B3GALT1: variants seen among roughly 807,000 people sequenced by gnomAD.
B3GALT1 encodes the protein beta-1,3-galactosyltransferase 1.
Under a neutral mutation model 23.2 loss-of-function variants are expected in B3GALT1, and 10 were observed. That is an observed-to-expected ratio of 0.43 (90% confidence interval 0.27 to 0.73). The LOEUF (loss-of-function observed/expected upper bound fraction) is 0.73, where lower values mean the gene tolerates loss of function less well. Ranked by LOEUF, B3GALT1 falls within the 30% of genes least tolerant of loss-of-function variation. The pLI is 0.21. For synonymous variants in B3GALT1, 156 were observed against 141.5 expected, an observed-to-expected ratio of 1.10 and a Z score of -0.73; for missense variants, 299 against 405.4, an observed-to-expected ratio of 0.74 and a Z score of 2.25.
Position 167,364,184 on chromosome 2 carries a change from AAAGG to A in B3GALT1, c.-511+70854_-511+70857del, listed in dbSNP as rs1203804169. The stretch of plus-strand genomic sequence containing the variant: ...ATCTCAAAAAAAAAAAAAAAAAAAA[AAAGG>A]AAGAAAAGAAAACTCCACTTTCAGC... On this transcript the variant is annotated intron_variant, in intron 1 of 4. Transcript: ENST00000392690. Among the ~76,000 whole-genome samples, 3 of 149,472 alleles carry A rather than the reference AAAGG, an allele frequency of 2.0e-5. No homozygotes were observed. In the East Asian group the frequency reaches 5.8e-4, roughly 29 times the overall value.
intron 2 of B3GALT1, among the ~76,000 whole-genome samples, chr2:167,558,721 A>C (rs534270062): frequency 6.6e-6 from 1 of 152,316 alleles, no homozygotes; most frequent in South Asian, 2.1e-4. Flanking sequence ...CAGCAGTCTG[A>C]GATCAAACTG....
intron 4 of B3GALT1, among the ~76,000 whole-genome samples, chr2:167,821,909 A>G (rs936729910): frequency 6.6e-6 from 1 of 152,198 alleles, no homozygotes; most frequent in African/African-American, 2.4e-5. Flanking sequence ...AAATCTCACT[A>G]AAGAAAAGGA....
At chr2:167,738,720 A>C (rs1687529519) in intron 3 of B3GALT1, among the ~76,000 whole-genome samples, 1 of 152,220 alleles carries the variant, frequency 6.6e-6, no homozygotes, top group South Asian at 2.1e-4. Context: ...ATGCCTCAAG[A>C]TTCTTAGCCT....
intron 3 of B3GALT1, among the ~76,000 whole-genome samples, chr2:167,720,702 A>G (rs1195398087): frequency 2.0e-5 from 3 of 152,230 alleles, no homozygotes; most frequent in Non-Finnish European, 2.9e-5. Flanking sequence ...GGTTTTGGAA[A>G]TGGTGCATTG....
At chr2:167,371,760 A>G (rs1394017320) in intron 1 of B3GALT1, among the ~76,000 whole-genome samples, 2 of 151,970 alleles carry the variant, frequency 1.3e-5, no homozygotes, top group Non-Finnish European at 2.9e-5. Context: ...TAATTGATCT[A>G]TATATGTTTT....
At chr2:167,447,030 A>C (rs1409496571) in intron 1 of B3GALT1, among the ~76,000 whole-genome samples, 1 of 152,072 alleles carries the variant, frequency 6.6e-6, no homozygotes, top group Non-Finnish European at 1.5e-5. Flanking sequence ...TGAGGTACAG[A>C]TGGGATTGTG....
At chr2:167,481,059 G>A (rs1328795085) in intron 1 of B3GALT1, among the ~76,000 whole-genome samples, 1 of 152,078 alleles carries the variant, frequency 6.6e-6, no homozygotes, top group Non-Finnish European at 1.5e-5. Flanking sequence ...TCCAGCAGCT[G>A]GTACTTGCAA....
At chr2:167,666,697 T>C (rs1686197154) in intron 3 of B3GALT1, among the ~76,000 whole-genome samples, 1 of 152,206 alleles carries the variant, frequency 6.6e-6, no homozygotes, top group African/African-American at 2.4e-5. Context: ...CCCTTTACCA[T>C]TATGTAATGG....
rs369674335 is a variant in B3GALT1 at position 167,567,822 on chromosome 2, A to G, written c.-410+77545A>G. ...GGTTTAGACACATGTACAATGACGT[A>G]TATTCACCATTATAGTATCATGCAG... On this transcript the variant is annotated intron_variant, in intron 2 of 4. Transcript: ENST00000392690. Among the ~76,000 whole-genome samples, 11 of 152,222 alleles carry G rather than the reference A, an allele frequency of 7.2e-5. No individual in the cohort carries two copies. In the South Asian group the frequency reaches 1.7e-3, roughly 23 times the overall value.
At position 167,330,508 on chromosome 2, in the gene B3GALT1, G is replaced by T. The variant is rs550840170; in HGVS notation, c.-511+37174G>T. On this transcript the variant is annotated intron_variant, in intron 1 of 4. Transcript: ENST00000392690. ...GCCTGTAGTGCCAGCAACTTGGGTG[G>T]CTGAGGTGGGAGGATCACCTGAGCC... 1.3e-4 allele frequency among the ~76,000 whole-genome samples: 20 copies of T among 152,262 alleles called. No individual in the cohort carries two copies. The South Asian group carries it at 1.9e-3, about 14-fold the overall frequency.
In B3GALT1 at chr2:167,409,548, T is replaced by G. The variant is rs2222503; in HGVS notation, c.-510-80629T>G. Among the ~76,000 whole-genome samples, 561 of 152,022 alleles carry G rather than the reference T, an allele frequency of 3.7e-3. 6 individuals are homozygous for G. The highest frequency in any genetic ancestry group is 0.013 in the African/African-American group (536 of 41,494). On this transcript the variant is annotated intron_variant, in intron 1 of 4. Transcript: ENST00000392690. ...TTCTTCTGCTTGATTGATTTGGCTG[T>G]TGATACTTGTGTATGCTTCACTAAT...
chr2:167,572,268 A>G (rs1684307494), intron 2 of B3GALT1, among the ~76,000 whole-genome samples: 1 of 151,834 alleles, frequency 6.6e-6, no homozygotes, highest in African/African-American at 2.4e-5. Flanking sequence ...CTTTCCACGG[A>G]AAATATGTAA....
chr2:167,641,553 T>C (rs1373793704), intron 2 of B3GALT1, among the ~76,000 whole-genome samples: 1 of 152,242 alleles, frequency 6.6e-6, no homozygotes, highest in East Asian at 1.9e-4. Context: ...AATACAGGTA[T>C]AACACATGTT....
chr2:167,497,296 G>A (rs979956048), intron 2 of B3GALT1, among the ~76,000 whole-genome samples: 1 of 152,052 alleles, frequency 6.6e-6, no homozygotes. Context: ...TCCATGAAGC[G>A]GGAGGTATCT....
intron 3 of B3GALT1, among the ~76,000 whole-genome samples, chr2:167,724,625 T>C (rs921453104): frequency 6.6e-6 from 1 of 152,230 alleles, no homozygotes; most frequent in African/African-American, 2.4e-5. Context: ...ACATCTTTTA[T>C]TGAATTTTAA....
chr2:167,567,776 C>T (rs543010636), intron 2 of B3GALT1, among the ~76,000 whole-genome samples: 6 of 152,176 alleles, frequency 3.9e-5, no homozygotes, highest in Admixed American at 6.5e-5. Flanking sequence ...AGGATTCACT[C>T]TTGGTGTTGT....
At chr2:167,444,983 C>G (rs969157753) in intron 1 of B3GALT1, among the ~76,000 whole-genome samples, 1 of 152,174 alleles carries the variant, frequency 6.6e-6, no homozygotes, top group South Asian at 2.1e-4. Flanking sequence ...ATCTTTCCTG[C>G]TTTCTCTTTT....
At chr2:167,620,922 C>A (rs1264945915) in intron 2 of B3GALT1, among the ~76,000 whole-genome samples, 2 of 151,802 alleles carry the variant, frequency 1.3e-5, no homozygotes, top group African/African-American at 4.8e-5. Flanking sequence ...AATTTTTTAA[C>A]CTTATCATCA....
intron 3 of B3GALT1, among the ~76,000 whole-genome samples, chr2:167,704,040 G>A (rs1223776586): frequency 5.3e-5 from 8 of 151,978 alleles, no homozygotes; most frequent in Non-Finnish European, 1.0e-4. Context: ...AATTAGCCGG[G>A]TGTGGTATCA....
Sources: gnomAD v4.1 joint callset for allele counts (sites outside exome capture counted in the v4.1 genomes callset) on GRCh38, gnomAD v4.1.1 for gene constraint, MANE v1.5 for transcripts, NCBI Gene and HGNC (gene_info 2026-07-23, HGNC 2026-07-21) for gene names.